CYFIP1: variants seen among roughly 807,000 people sequenced by gnomAD.
The protein encoded by CYFIP1 is cytoplasmic FMR1 interacting protein 1.
A neutral mutation model predicts 163.5 loss-of-function variants in CYFIP1; 58 were observed. The observed-to-expected ratio is 0.35, with a 90% CI of 0.29 to 0.44. The LOEUF is 0.44. CYFIP1 is among the 20% of genes least tolerant of loss of function. The pLI is 1.00. For synonymous variants in CYFIP1, 663 were observed against 660.7 expected (o/e 1.00, Z -0.05); for missense variants, 1,338 against 1,653.8 (o/e 0.81, Z 3.31).
intron 13 of CYFIP1, among the ~76,000 whole-genome samples, chr15:22,919,312 A>G (rs1022981266): frequency 3.3e-5 from 5 of 152,222 alleles, no homozygotes; most frequent in African/African-American, 1.2e-4. Context: ...TACATGACAA[A>G]GAGCTTCCAA....
intron 3 of CYFIP1, among the ~76,000 whole-genome samples, chr15:22,945,750 AT>A (rs529858683): frequency 0.14 from 19,967 of 142,524 alleles, 1,558 homozygotes; most frequent in East Asian, 0.3. Context: ...TAATTTTTGT[AT>A]TTTTTTTTTT....
intron 12 of CYFIP1, 83 bp downstream of exon 12, chr15:22,927,821 TAA>T: frequency 5.0e-6 from 7 of 1,401,974 alleles, no homozygotes; most frequent in Non-Finnish European, 6.6e-6. Context: ...GGGCCAAAGA[TAA>T]AAAGCCCAAA....
chr15:22,922,728 A>C (rs891997388), intron 13 of CYFIP1, among the ~76,000 whole-genome samples: 1 of 152,244 alleles, frequency 6.6e-6, no homozygotes, highest in Admixed American at 6.5e-5. Flanking sequence ...GTGGCGGCTC[A>C]TGCCTGTAAT....
chr15:22,964,031 T>C (rs976177912), intron 1 of CYFIP1, among the ~76,000 whole-genome samples: 1 of 152,096 alleles, frequency 6.6e-6, no homozygotes, highest in Middle Eastern at 3.2e-3. Context: ...TGTTTTTATA[T>C]AAATTAAGGT....
At chr15:22,927,475 C>G (rs765067477) in intron 12 of CYFIP1, among the ~76,000 whole-genome samples, 7 of 128,762 alleles carry the variant, frequency 5.4e-5, no homozygotes, top group South Asian at 2.5e-4. Context: ...AAGAGCGAAA[C>G]TCCGTCTCAA....
chr15:22,917,139 C>G lies in CYFIP1; in HGVS notation c.1675-509G>C. On this transcript the variant is annotated intron_variant, in intron 15 of 30. Coordinates refer to ENST00000617928, the MANE Select transcript of CYFIP1 (RefSeq NM_014608.6). This position sits in a 1 kb window ranked among gnomAD's most constrained non-coding sequence, Gnocchi z 4.2. The stretch of plus-strand genomic sequence containing the variant: ...ACGCAGAGGGAGGCAGGGAGGGTGG[C>G]TGGCACCACGCACAGGCCGAGGGCC... The G allele has an allele frequency of 6.9e-7, 1 of 1,444,068 alleles. No homozygotes were observed. The highest frequency in any genetic ancestry group is 1.5e-5 in the South Asian group (1 of 67,300). 89.5% of individuals were successfully genotyped at this position (1,444,068 alleles called of 1,614,324 possible). A position where few individuals can be genotyped will look rare whatever the true frequency, so the allele number is the denominator to read the frequency against.
At chr15:22,920,726 C>A (rs1472785353) in intron 13 of CYFIP1, among the ~76,000 whole-genome samples, 1 of 152,216 alleles carries the variant, frequency 6.6e-6, no homozygotes, top group African/African-American at 2.4e-5. Context: ...CACCCAGCTG[C>A]TCAGCGCCAT....
intron 22 of CYFIP1, among the ~76,000 whole-genome samples, chr15:22,894,594 G>A (rs895526840): frequency 6.6e-6 from 1 of 151,622 alleles, no homozygotes; most frequent in Non-Finnish European, 1.5e-5. Context: ...CCGGCCTAGA[G>A]GAGGCTTTAC....
intron 3 of CYFIP1, 117 bp from the exon 4 acceptor site, chr15:22,945,056 G>A: frequency 1.0e-6 from 1 of 985,778 alleles, no homozygotes; most frequent in Non-Finnish European, 1.6e-6. Context: ...TGTGGCCTGT[G>A]TGCCAAGAGA....
chr15:22,912,289 C>A lies in CYFIP1; in HGVS notation c.1986-14G>T. 6.3e-7 allele frequency: 1 copy of A among 1,595,740 alleles called. No homozygotes were observed. Among genetic ancestry groups the A allele is most frequent in the African/African-American group, 1.3e-5 (1 of 74,360 alleles). ...TAGAGCACGTACCTGCAGAGGACAG[C>A]AGCAGTGTGACCAGCAGCCTCTGCC... is the stretch of plus-strand genomic sequence containing the variant. On this transcript the variant is annotated splice_polypyrimidine_tract_variant and intron_variant, in intron 17 of 30. Transcript: ENST00000617928.
At chr15:22,899,434 A>G (rs904254825) in intron 22 of CYFIP1, among the ~76,000 whole-genome samples, 1 of 152,120 alleles carries the variant, frequency 6.6e-6, no homozygotes, top group Non-Finnish European at 1.5e-5. Context: ...ACGTCTCATG[A>G]GTGGGACTCG....
chr15:22,930,535 C>T (rs1213184150), intron 11 of CYFIP1, among the ~76,000 whole-genome samples: 3 of 152,014 alleles, frequency 2.0e-5, no homozygotes, highest in African/African-American at 7.2e-5. Context: ...CCCATAAAAT[C>T]TTAACGTAGT....
intron 1 of CYFIP1, among the ~76,000 whole-genome samples, chr15:22,959,695 C>T (rs1189559676): frequency 1.3e-5 from 2 of 152,180 alleles, no homozygotes; most frequent in Admixed American, 1.3e-4. Context: ...TTGTCCCCCA[C>T]CTTATCACTG....
At chr15:22,916,345 G>A in intron 16 of CYFIP1, 132 bp downstream of exon 16, 1 of 699,630 alleles carries the variant, frequency 1.4e-6, no homozygotes, top group East Asian at 2.6e-5. Flanking sequence ...CCGCCACAGA[G>A]GGCAGGACGA....
intron 6 of CYFIP1, among the ~76,000 whole-genome samples, chr15:22,942,410 G>C (rs2061917198): frequency 6.6e-6 from 1 of 152,216 alleles, no homozygotes; most frequent in South Asian, 2.1e-4. Flanking sequence ...AGATGAAGCA[G>C]AGCAAGAGCA....
chr15:22,944,696 T>A, intron 4 of CYFIP1, 37 bp from the exon 5 acceptor site: 1 of 1,590,196 alleles, frequency 6.3e-7, no homozygotes, highest in Non-Finnish European at 8.6e-7. Context: ...TAAGAGGCTT[T>A]GATCCAGCCA....
At chr15:22,894,096 A>G (rs1378753186) in intron 22 of CYFIP1, among the ~76,000 whole-genome samples, 4 of 151,974 alleles carry the variant, frequency 2.6e-5, no homozygotes, top group Non-Finnish European at 4.4e-5. Flanking sequence ...CACACTCATC[A>G]ACCTCTGTCC....
intron 1 of CYFIP1, among the ~76,000 whole-genome samples, chr15:22,963,539 CATA>C (rs2062774888): frequency 1.4e-5 from 2 of 142,572 alleles, no homozygotes; most frequent in Admixed American, 7.0e-5. Context: ...CATAACATAA[CATA>C]ACATAACATA....
At chr15:22,947,764 G>A (rs959856017) in intron 1 of CYFIP1, 14 of 203,268 alleles carry the variant, frequency 6.9e-5, no homozygotes, top group South Asian at 5.0e-4. Context: ...TGGAAAAGAC[G>A]AGCGCCCTGC....
Sources: allele counts gnomAD v4.1 joint callset (sites outside exome capture counted in the v4.1 genomes callset), GRCh38; gene constraint gnomAD v4.1.1; non-coding constraint Gnocchi (gnomAD v3.1); transcripts MANE v1.5; gene names NCBI Gene and HGNC (gene_info 2026-07-23, HGNC 2026-07-21).